The following RO60 variants were observed in gnomAD, a reference collection of about 807,000 sequenced individuals.
RO60 encodes the protein Ro60, Y RNA binding protein, also known as RNA-binding protein RO60.
Under a neutral mutation model 55.3 loss-of-function variants are expected in RO60, and 20 were observed. That is an observed-to-expected ratio of 0.36 (90% confidence interval 0.25 to 0.53). The LOEUF is 0.53. Among genes scored for constraint, RO60 ranks in the 20% least tolerant of loss-of-function variants. The probability of loss-of-function intolerance (pLI) is 0.92; values close to 1 mark genes in which losing one functional copy is unlikely to be tolerated. For missense variants in RO60, 558 were observed against 646.6 expected (o/e 0.86, Z 1.49); for synonymous variants, 213 against 213.6 (o/e 1.00, Z 0.02).
rs555369388 is a variant in RO60, at chr1:193,079,009, G to T, written c.1086+1959G>T. 5.3e-5 allele frequency among the ~76,000 whole-genome samples: 8 copies of T among 150,686 alleles called. No individual in the cohort carries two copies. In the East Asian group the frequency reaches 9.7e-4, roughly 18 times the overall value. ...CAGTAATCAAAACAGTGTGGCACTG[G>T]CAAAAGAATAAACATATAGACCAAT... On this transcript the variant is annotated intron_variant, in intron 5 of 8. Coordinates refer to ENST00000400968, the MANE Select transcript of RO60 (RefSeq NM_001173524.2).
Position 193,085,040 on chromosome 1 carries a change from G to A in RO60, c.*309G>A, listed in dbSNP as rs1158921662. On this transcript the variant is annotated 3_prime_UTR_variant, in exon 9 of 9. Transcript: ENST00000400968. ...GAATAATACGTGTGTACCTAAAAGA[G>A]GTAAGAGCAAAAAGTGTAATTCCAC... is the stretch of plus-strand genomic sequence containing the variant. 1 of 1,524,404 alleles carries A rather than the reference G, an allele frequency of 6.6e-7. No individual in the cohort carries two copies. 94.4% of individuals were successfully genotyped at this position (1,524,404 alleles called of 1,614,324 possible).
At chr1:193,077,072 T>C (rs751643831) in intron 5 of RO60, 22 bp downstream of exon 5, 1 of 1,589,250 alleles carries the variant, frequency 6.3e-7, no homozygotes, top group Non-Finnish European at 8.6e-7. Flanking sequence ...ATTTTTGTTT[T>C]AAAACAAATG....
rs1673863985 is a variant in RO60 at position 193,075,715 on chromosome 1, T to C, written c.581-105T>C. 12 of 805,880 alleles carry C rather than the reference T, an allele frequency of 1.5e-5. 1 individual carries two copies. The South Asian group carries it at 2.2e-4, about 15-fold the overall frequency. 49.9% of individuals were successfully genotyped at this position (805,880 alleles called of 1,614,324 possible). On this transcript the variant is annotated intron_variant, in intron 2 of 8. Coordinates refer to ENST00000400968, the MANE Select transcript of RO60 (RefSeq NM_001173524.2). ...CATCCCAGTGTAAGGGCATTAACTC[T>C]TGTGTATCCAGTTATGTTGATCATA... is the stretch of plus-strand genomic sequence containing the variant.
chr1:193,066,142 C>G (rs560916917), intron 1 of RO60, among the ~76,000 whole-genome samples: 17 of 152,182 alleles, frequency 1.1e-4, no homozygotes, highest in Non-Finnish European at 2.2e-4. Context: ...GGAAATATCT[C>G]TTGCTGTCAG....
In RO60 at chr1:193,086,934, G is replaced by A. The variant is rs1025542079; in HGVS notation, c.*2203G>A. On this transcript the variant is annotated 3_prime_UTR_variant, in exon 9 of 9. Transcript: ENST00000400968. ...TTTAAATTTTTGTTAGAGAGCTGAG[G>A]TCCAAGACAGAGTGTGATTTTGAAG... 2.0e-5 allele frequency: 3 copies of A among 152,034 alleles called. No individual in the cohort carries two copies. Among genetic ancestry groups the A allele is most frequent in the Admixed American group, 6.5e-5 (1 of 15,268 alleles). The allele number at this position is 152,034 out of a possible 1,614,324, so 9.4% of individuals were successfully genotyped here.
At chr1:193,063,021 C>T (rs1452570772) in intron 1 of RO60, among the ~76,000 whole-genome samples, 1 of 152,116 alleles carries the variant, frequency 6.6e-6, no homozygotes, top group Non-Finnish European at 1.5e-5. Context: ...GGTTTAGATA[C>T]ATGTATTCAT....
intron 2 of RO60, among the ~76,000 whole-genome samples, chr1:193,070,864 T>C (rs1033966493): frequency 1.3e-5 from 2 of 152,256 alleles, no homozygotes; most frequent in Non-Finnish European, 2.9e-5. Flanking sequence ...TATTTATATG[T>C]ATAAACATTT....
Position 193,076,972 on chromosome 1 carries a change from T to C in RO60, c.1008T>C (p.Gly336=). The part of the protein sequence containing the change: ...IALETYKTGH[G]LRGKLKWRPD... ...TAGAAACTTACAAGACAGGTCATGGTCTCAGAGGGAAACTGAAGTGGCGCC... is the reference window on the plus strand; with the variant it reads ...TAGAAACTTACAAGACAGGTCATGGCCTCAGAGGGAAACTGAAGTGGCGCC... The change falls in exon 5 of 9, where the codon GGT becomes GGC. Residue 336 remains glycine, a synonymous_variant. Transcript: ENST00000400968. The C allele has an allele frequency of 1.2e-6, 2 of 1,613,342 alleles. No individual in the cohort carries two copies. Among genetic ancestry groups the C allele is most frequent in the South Asian group, 1.1e-5 (1 of 91,020 alleles).
At chr1:193,066,612 C>T (rs537223629) in intron 1 of RO60, among the ~76,000 whole-genome samples, 1 of 152,302 alleles carries the variant, frequency 6.6e-6, no homozygotes, top group African/African-American at 2.4e-5. Flanking sequence ...CAACTCTGTG[C>T]ACCTCCTTTT....
In RO60 at chr1:193,090,093, C is replaced by T. The variant is rs142683304; in HGVS notation, c.*5362C>T. ...TGCTAGGATTACAGGCGTGAGCCAC[C>T]GCACCTGGCCAACTTTTCATCTTAA... On this transcript the variant is annotated 3_prime_UTR_variant, in exon 9 of 9. Transcript: ENST00000400968. 9.6e-3 allele frequency: 1,456 copies of T among 152,242 alleles called. 15 individuals are homozygous for T. Among genetic ancestry groups the T allele is most frequent in the South Asian group, 0.034 (164 of 4,824 alleles). 9.4% of individuals were successfully genotyped at this position (152,242 alleles called of 1,614,324 possible). A position where few individuals can be genotyped will look rare whatever the true frequency, so the allele number is the denominator to read the frequency against.
rs1674665993 is a variant in RO60 at position 193,087,434 on chromosome 1, A to T, written c.*2703A>T. On this transcript the variant is annotated 3_prime_UTR_variant, in exon 9 of 9. Transcript: ENST00000400968. The stretch of plus-strand genomic sequence containing the variant: ...AATTAGTAAAACAAAAACTAATCTT[A>T]TAATCCCACCCTTTATTAGTTGAAA... 1 of 152,212 alleles carries T rather than the reference A, an allele frequency of 6.6e-6. No homozygotes were observed. Among genetic ancestry groups the T allele is most frequent in the Admixed American group, 6.5e-5 (1 of 15,284 alleles). 9.4% of individuals were successfully genotyped at this position (152,212 alleles called of 1,614,324 possible).
intron 1 of RO60, chr1:193,060,406 G>A (rs1245967571): frequency 3.3e-5 from 7 of 211,146 alleles, no homozygotes; most frequent in African/African-American, 1.4e-4. Context: ...GGCTCTTATA[G>A]AATACTATAG....
intron 1 of RO60, among the ~76,000 whole-genome samples, chr1:193,064,893 G>A (rs1281577618): frequency 6.6e-6 from 1 of 152,176 alleles, no homozygotes; most frequent in Non-Finnish European, 1.5e-5. Flanking sequence ...TTGCTCTAGA[G>A]AAGTACCTGA....
chr1:193,060,036 C>G, intron 1 of RO60: 2 of 1,346,838 alleles, frequency 1.5e-6, no homozygotes, highest in South Asian at 2.3e-5. Context: ...GGGACCGCTC[C>G]TGCTTGTCGG....
chr1:193,070,529 T>G lies in RO60; in HGVS notation c.580+895T>G, dbSNP rs553843094. ...AAAATCAACATGTTCAAAATTTGAC[T>G]TTTTTTTTTTTTTTGCACCGGAAGT... On this transcript the variant is annotated intron_variant, in intron 2 of 8. Coordinates refer to ENST00000400968, the MANE Select transcript of RO60 (RefSeq NM_001173524.2). 4 of 152,156 alleles carry G rather than the reference T, an allele frequency of 2.6e-5. No homozygotes were observed. The South Asian group carries it at 4.7e-4, about 18-fold the overall frequency. 9.4% of individuals were successfully genotyped at this position (152,156 alleles called of 1,614,324 possible). A position where few individuals can be genotyped will look rare whatever the true frequency, so the allele number is the denominator to read the frequency against.
rs1179828375 is a variant in RO60 at position 193,082,543 on chromosome 1, T to G, written c.1318-19T>G. The G allele has an allele frequency of 6.2e-7, 1 of 1,612,972 alleles. No homozygotes were observed. The highest frequency in any genetic ancestry group is 8.5e-7 in the Non-Finnish European group (1 of 1,179,120). On this transcript the variant is annotated intron_variant, in intron 7 of 8. Transcript: ENST00000400968. ...AAGGATTTATTTACTTATTTATTCATGCTTTTGTTCCGAATTAGATCCCAG... is the reference window on the plus strand; with the variant it reads ...AAGGATTTATTTACTTATTTATTCAGGCTTTTGTTCCGAATTAGATCCCAG...
intron 1 of RO60, among the ~76,000 whole-genome samples, chr1:193,065,683 G>A (rs970623173): frequency 6.6e-6 from 1 of 152,098 alleles, no homozygotes; most frequent in Non-Finnish European, 1.5e-5. Flanking sequence ...TTTGAAAAGA[G>A]GATAATAATA....
intron 5 of RO60, among the ~76,000 whole-genome samples, chr1:193,078,691 G>A (rs1256281462): frequency 6.6e-6 from 1 of 152,098 alleles, no homozygotes; most frequent in African/African-American, 2.4e-5. Context: ...CTTATACACT[G>A]AGAACTACAA....
chr1:193,086,423 A>C lies in RO60; in HGVS notation c.*1692A>C, dbSNP rs934867881. ...TAGCACCCTCACCCCCACTCCAGAC[A>C]TGCATTGCTTCTGATGTTGTTCACG... On this transcript the variant is annotated 3_prime_UTR_variant, in exon 9 of 9. Coordinates refer to ENST00000400968, the MANE Select transcript of RO60 (RefSeq NM_001173524.2). 2 of 152,126 alleles carry C rather than the reference A, an allele frequency of 1.3e-5. No individual in the cohort carries two copies. The highest frequency in any genetic ancestry group is 2.9e-5 in the Non-Finnish European group (2 of 67,994). The allele number at this position is 152,126 out of a possible 1,614,324, so 9.4% of individuals were successfully genotyped here. A position where few individuals can be genotyped will look rare whatever the true frequency, so the allele number is the denominator to read the frequency against.
Sources: allele counts gnomAD v4.1 joint callset (sites outside exome capture counted in the v4.1 genomes callset), GRCh38; gene constraint gnomAD v4.1.1; transcripts MANE v1.5; gene names NCBI Gene and HGNC (gene_info 2026-07-23, HGNC 2026-07-21).